Variants in CMTM8 observed in about 807,000 individuals in gnomAD.
CMTM8 encodes CKLF like MARVEL transmembrane domain containing 8, also known as CKLF-like MARVEL transmembrane domain-containing protein 8.
In CMTM8, 12 loss-of-function variants were observed where a neutral mutation model predicts 18.6. The observed-to-expected ratio is 0.65, with a 90% CI of 0.41 to 1.05. The LOEUF (loss-of-function observed/expected upper bound fraction) is 1.05. Among genes scored for constraint, CMTM8 ranks in the 50% least tolerant of loss-of-function variants. CMTM8 has a pLI of 0.00. For missense variants in CMTM8, 217 were observed against 227.2 expected (o/e 0.95, Z 0.29); for synonymous variants, 87 against 90.6 (o/e 0.96, Z 0.23).
At chr3:32,277,376 G>GTCTT (rs538185328) in intron 1 of CMTM8, among the ~76,000 whole-genome samples, 1 of 151,666 alleles carries the variant, frequency 6.6e-6, no homozygotes, top group Non-Finnish European at 1.5e-5. Flanking sequence ...TTCTCCCTTT[G>GTCTT]TCTTTCTTTC....
rs547340248 is a variant in CMTM8, at chr3:32,315,401, A to G, written c.148-41972A>G. ...CACCTCGGCCTCCCAAAGTGCTGGG[A>G]TTACAGGTGTGAGCTACCACGCCCA... On this transcript the variant is annotated intron_variant, in intron 1 of 3. Transcript: ENST00000307526. 1.2e-4 allele frequency among the ~76,000 whole-genome samples: 19 copies of G among 152,284 alleles called. No homozygotes were observed. The East Asian group carries it at 3.7e-3, about 29-fold the overall frequency.
At chr3:32,263,021 A>G (rs1702277720) in intron 1 of CMTM8, among the ~76,000 whole-genome samples, 1 of 152,232 alleles carries the variant, frequency 6.6e-6, no homozygotes, top group African/African-American at 2.4e-5. Flanking sequence ...CCGAATAGGA[A>G]CAGCTCCAAT....
chr3:32,305,053 G>A (rs1235004765), intron 1 of CMTM8, among the ~76,000 whole-genome samples: 1 of 152,100 alleles, frequency 6.6e-6, no homozygotes, highest in Non-Finnish European at 1.5e-5. Flanking sequence ...TCTCCCTTGG[G>A]CGGCATTAGG....
chr3:32,296,410 T>C (rs1333828602), intron 1 of CMTM8, among the ~76,000 whole-genome samples: 1 of 152,258 alleles, frequency 6.6e-6, no homozygotes, highest in Non-Finnish European at 1.5e-5. Flanking sequence ...CAATGAGTTA[T>C]GGCTAGACAG....
chr3:32,338,181 AC>A (rs1696424967), intron 1 of CMTM8, among the ~76,000 whole-genome samples: 3 of 152,000 alleles, frequency 2.0e-5, no homozygotes, highest in African/African-American at 7.2e-5. Context: ...ACGGGGTTTC[AC>A]CATGTTGGTT....
At chr3:32,279,167 A>ATTTTT (rs10671462) in intron 1 of CMTM8, among the ~76,000 whole-genome samples, 20 of 146,912 alleles carry the variant, frequency 1.4e-4, no homozygotes, top group South Asian at 4.3e-4. Flanking sequence ...ATAATTAGTG[A>ATTTTT]TTTTTTTTTT....
chr3:32,272,031 A>T (rs1394699754), intron 1 of CMTM8, among the ~76,000 whole-genome samples: 1 of 152,104 alleles, frequency 6.6e-6, no homozygotes, highest in Non-Finnish European at 1.5e-5. Context: ...CTTACACCTC[A>T]CACCTATTTT....
rs1275786137 is a variant in CMTM8 at position 32,369,971 on chromosome 3, A to T, written c.*4A>T. 8.4e-6 allele frequency: 13 copies of T among 1,540,268 alleles called. No homozygotes were observed. The highest frequency in any genetic ancestry group is 1.2e-5 in the Non-Finnish European group (13 of 1,125,356). On this transcript the variant is annotated 3_prime_UTR_variant, in exon 4 of 4. Coordinates refer to ENST00000307526, the MANE Select transcript of CMTM8 (RefSeq NM_178868.5). The stretch of plus-strand genomic sequence containing the variant: ...GAGATCCAGGACCATACAGTGATTT[A>T]CCATTTTGATAATTAAAAGGAAAAA...
chr3:32,277,223 G>A (rs978838956), intron 1 of CMTM8, among the ~76,000 whole-genome samples: 1 of 152,060 alleles, frequency 6.6e-6, no homozygotes, highest in African/African-American at 2.4e-5. Flanking sequence ...GAGAGAAAGG[G>A]AGAAGAGAAA....
At chr3:32,279,745 A>G (rs28619885) in intron 1 of CMTM8, among the ~76,000 whole-genome samples, 26,364 of 115,436 alleles carry the variant, frequency 0.23, 2,841 homozygotes, top group Admixed American at 0.3. Flanking sequence ...ATCCCTGAGG[A>G]ATCGCCACAC....
intron 1 of CMTM8, among the ~76,000 whole-genome samples, chr3:32,318,012 G>A (rs779322866): frequency 1.2e-4 from 16 of 138,284 alleles, no homozygotes; most frequent in South Asian, 2.2e-4. Flanking sequence ...CCCAGGTCAC[G>A]CCACTGCACT....
At chr3:32,259,967 C>T (rs1702234125) in intron 1 of CMTM8, 3 of 1,126,206 alleles carry the variant, frequency 2.7e-6, no homozygotes, top group Non-Finnish European at 3.9e-6. Context: ...GATCCTGCTG[C>T]ACCTGGAGTC....
chr3:32,340,286 T>C (rs767695401), intron 1 of CMTM8, among the ~76,000 whole-genome samples: 4 of 152,124 alleles, frequency 2.6e-5, no homozygotes, highest in African/African-American at 4.8e-5. Flanking sequence ...GGATACCCTC[T>C]AGTGGATAAG....
intron 1 of CMTM8, among the ~76,000 whole-genome samples, chr3:32,330,691 A>T (rs1394808607): frequency 6.6e-6 from 1 of 152,162 alleles, no homozygotes; most frequent in Non-Finnish European, 1.5e-5. Context: ...TCACTTTCCA[A>T]ATGGTCTATG....
At chr3:32,264,210 G>A (rs2125539213) in intron 1 of CMTM8, among the ~76,000 whole-genome samples, 1 of 152,302 alleles carries the variant, frequency 6.6e-6, no homozygotes. Flanking sequence ...GAAAGGTCGG[G>A]TTACCCACGA....
At chr3:32,351,802 C>T (rs1282198953) in intron 1 of CMTM8, among the ~76,000 whole-genome samples, 1 of 151,934 alleles carries the variant, frequency 6.6e-6, no homozygotes, top group South Asian at 2.1e-4. Context: ...AAATATTTGC[C>T]ACATATATAG....
At position 32,357,244 on chromosome 3, in the gene CMTM8, CAAAT is replaced by C. The variant is rs141793206; in HGVS notation, c.148-114_148-111del. On this transcript the variant is annotated intron_variant, in intron 1 of 3. Transcript: ENST00000307526. The stretch of plus-strand genomic sequence containing the variant: ...GGGCGACGGGAGCGAGACTCCATCT[CAAAT>C]AAATAAATAAATAAGTTGTAATTGA... 1,125 of 839,808 alleles carry C rather than the reference CAAAT, an allele frequency of 1.3e-3. 9 individuals are homozygous for C. The African/African-American group carries it at 0.015, about 11-fold the overall frequency. The allele number at this position is 839,808 out of a possible 1,614,324, so 52.0% of individuals were successfully genotyped here.
chr3:32,364,179 C>T lies in CMTM8; in HGVS notation c.322-3693C>T, dbSNP rs546551469. On this transcript the variant is annotated intron_variant, in intron 2 of 3. Coordinates refer to ENST00000307526, the MANE Select transcript of CMTM8 (RefSeq NM_178868.5). ...TTGAGCCCAGGAGTTCAAGACCAGC[C>T]TGGGCAACATAGCAAGACCTGTCTC... 2.0e-5 allele frequency among the ~76,000 whole-genome samples: 3 copies of T among 152,234 alleles called. No homozygotes were observed. In the East Asian group the frequency reaches 5.8e-4, roughly 29 times the overall value.
intron 1 of CMTM8, among the ~76,000 whole-genome samples, chr3:32,242,061 G>C (rs1701950498): frequency 6.6e-6 from 1 of 152,162 alleles, no homozygotes; most frequent in Non-Finnish European, 1.5e-5. Context: ...TCACTCTGAA[G>C]ATTCTCTTCC....
Sources: allele counts gnomAD v4.1 joint callset (sites outside exome capture counted in the v4.1 genomes callset), GRCh38; gene constraint gnomAD v4.1.1; transcripts MANE v1.5; gene names NCBI Gene and HGNC (gene_info 2026-07-23, HGNC 2026-07-21).